Variants in IGBP1 observed in about 807,000 individuals in gnomAD.
The protein encoded by IGBP1 is immunoglobulin-binding protein 1.
In IGBP1, 2 loss-of-function variants were observed where a neutral mutation model predicts 25.9. That is an observed-to-expected ratio of 0.08 (90% CI 0.03 to 0.24). IGBP1 has a LOEUF of 0.24. Among genes scored for constraint, IGBP1 ranks in the 10% least tolerant of loss-of-function variants. The probability of loss-of-function intolerance (pLI) is 1.00; values close to 1 mark genes in which losing one functional copy is unlikely to be tolerated. For synonymous variants in IGBP1, 96 were observed against 93.4 expected, an observed-to-expected ratio of 1.03 and a Z score of -0.16; for missense variants, 187 against 260.4, an observed-to-expected ratio of 0.72 and a Z score of 1.94.
intron 4 of IGBP1, among the ~76,000 whole-genome samples, chrX:70,147,959 G>C (rs1050970876): frequency 8.9e-6 from 1 of 112,152 alleles, no homozygotes; most frequent in Non-Finnish European, 1.9e-5. Flanking sequence ...ATATTCTAAG[G>C]TTATAAGGCC....
rs953068407 is a variant in IGBP1, at chrX:70,166,039, T to G, written c.*58T>G. 2.3e-5 allele frequency: 26 copies of G among 1,118,436 alleles called. No homozygotes were observed. Among genetic ancestry groups the G allele is most frequent in the Admixed American group, 6.8e-5 (3 of 44,364 alleles). The allele number at this position is 1,118,436 out of a possible 1,213,427, so 92.2% of individuals were successfully genotyped here. On this transcript the variant is annotated 3_prime_UTR_variant, in exon 7 of 7. Coordinates refer to ENST00000356413, the MANE Select transcript of IGBP1 (RefSeq NM_001551.3). ...ACAACTCCCCTGCCAAGGAAAACCA[T>G]GCAGTCCTCCCCTCCCTGGTCTCCT... is the stretch of plus-strand genomic sequence containing the variant.
rs1426608160 is a variant in IGBP1, at chrX:70,140,213, C to A, written c.482+5397C>A. Among the ~76,000 whole-genome samples, 3 of 112,216 alleles carry A rather than the reference C, an allele frequency of 2.7e-5. 1 individual carries two copies. In the Admixed American group the frequency reaches 2.8e-4, roughly 11 times the overall value. On this transcript the variant is annotated intron_variant, in intron 3 of 6. Transcript: ENST00000356413. ...GTATATACTCTATGAGGGCACAAGC[C>A]ATTTCTTGTTCACTATGTTATGCCT...
intron 6 of IGBP1, among the ~76,000 whole-genome samples, chrX:70,157,766 A>T (rs1197323862): frequency 8.9e-6 from 1 of 112,083 alleles, no homozygotes; most frequent in Non-Finnish European, 1.9e-5. Flanking sequence ...GTTGGGGATC[A>T]TGAATGGAAC....
chrX:70,138,816 G>C (rs913762955), intron 3 of IGBP1, among the ~76,000 whole-genome samples: 1 of 111,672 alleles, frequency 9.0e-6, no homozygotes, highest in Non-Finnish European at 1.9e-5. Context: ...CAAATATTTA[G>C]ACACTGGTTT....
intron 6 of IGBP1, among the ~76,000 whole-genome samples, chrX:70,161,956 T>C (rs1027065656): frequency 9.0e-6 from 1 of 111,604 alleles, no homozygotes; most frequent in Admixed American, 9.5e-5. Context: ...AAGTCCATTG[T>C]GATAGAAATA....
intron 6 of IGBP1, among the ~76,000 whole-genome samples, chrX:70,164,748 A>G (rs1005224388): frequency 2.7e-5 from 3 of 112,083 alleles, no homozygotes; most frequent in Non-Finnish European, 5.6e-5. Flanking sequence ...AATTTGTTTT[A>G]TATGTACTTG....
At position 70,148,793 on chromosome X, in the gene IGBP1, G is replaced by A. The variant is rs1160793246; in HGVS notation, c.711G>A (p.Arg237=). The change falls in exon 5 of 7, where the codon AGG becomes AGA. Residue 237 remains arginine, a synonymous_variant. Transcript: ENST00000356413. ...CTTCTAACTCATCTCGCCAGGAGAG[G>A]CCTCCAGTGAAACCCTTCATTCTCA... is the stretch of plus-strand genomic sequence containing the variant. ...ASTSNSSRQE[R]PPVKPFILTR... The A allele has an allele frequency of 5.0e-6, 6 of 1,205,256 alleles. No individual in the cohort carries two copies. The highest frequency in any genetic ancestry group is 6.7e-6 in the Non-Finnish European group (6 of 889,521).
At chrX:70,143,694 C>T (rs1407861879) in intron 3 of IGBP1, among the ~76,000 whole-genome samples, 1 of 81,962 alleles carries the variant, frequency 1.2e-5, no homozygotes, top group Non-Finnish European at 2.2e-5. Context: ...CCATATGTTC[C>T]TTGGAGCCCT....
At chrX:70,147,224 C>T (rs1015028499) in intron 4 of IGBP1, among the ~76,000 whole-genome samples, 2 of 110,966 alleles carry the variant, frequency 1.8e-5, no homozygotes, top group East Asian at 2.8e-4. Context: ...ACTTGAGGCC[C>T]GGAGTTTGAG....
At chrX:70,151,214 G>A (rs2085200880) in intron 6 of IGBP1, among the ~76,000 whole-genome samples, 1 of 111,811 alleles carries the variant, frequency 8.9e-6, no homozygotes, top group Non-Finnish European at 1.9e-5. Flanking sequence ...GCCCACCTCG[G>A]CCTCCCAAAG....
At chrX:70,165,296 C>T (rs774649661) in intron 6 of IGBP1, 1 of 123,599 alleles carries the variant, frequency 8.1e-6, no homozygotes, top group Admixed American at 8.3e-5. Context: ...CAAAATAATA[C>T]GTAGGCATTC....
At chrX:70,135,779 C>G (rs907970202) in intron 3 of IGBP1, among the ~76,000 whole-genome samples, 3 of 111,384 alleles carry the variant, frequency 2.7e-5, no homozygotes, top group Non-Finnish European at 1.9e-5. Context: ...AGGAATGATA[C>G]TGAAGAATGT....
At chrX:70,147,430 A>C (rs779291601) in intron 4 of IGBP1, among the ~76,000 whole-genome samples, 4 of 110,910 alleles carry the variant, frequency 3.6e-5, no homozygotes, top group Admixed American at 1.9e-4. Context: ...CTCAAAAAAA[A>C]AAATTGTGCT....
intron 6 of IGBP1, among the ~76,000 whole-genome samples, chrX:70,159,303 C>G (rs895381257): frequency 6.3e-5 from 7 of 111,938 alleles, no homozygotes; most frequent in African/African-American, 2.3e-4. Flanking sequence ...TAAAGAAGAC[C>G]TGGCATATAG....
chrX:70,144,650 CTTTTTTTTTTTTTTTT>C (rs138993842), intron 3 of IGBP1, among the ~76,000 whole-genome samples: 2 of 27,740 alleles, frequency 7.2e-5, no homozygotes, highest in Admixed American at 1.4e-3. Flanking sequence ...TGGTTCTTGA[CTTTTTTTTTTTTTTTT>C]TTTTTTTTTT....
At chrX:70,145,983 G>A (rs1481972532) in intron 3 of IGBP1, among the ~76,000 whole-genome samples, 1 of 111,838 alleles carries the variant, frequency 8.9e-6, no homozygotes, top group African/African-American at 3.3e-5. Context: ...ATGAGACCAA[G>A]GACTTTTATA....
chrX:70,149,621 T>A (rs1602669514), intron 5 of IGBP1: 1 of 91,190 alleles, frequency 1.1e-5, no homozygotes, highest in African/African-American at 5.0e-5. Flanking sequence ...CCCACTACCC[T>A]CCAGCCTGGT....
Position 70,166,075 on chromosome X carries a change from T to C in IGBP1, c.*94T>C. 2.2e-6 allele frequency: 2 copies of C among 910,175 alleles called. No individual in the cohort carries two copies. Among genetic ancestry groups the C allele is most frequent in the East Asian group, 6.3e-5 (2 of 31,634 alleles). 75.0% of individuals were successfully genotyped at this position (910,175 alleles called of 1,213,427 possible). On this transcript the variant is annotated 3_prime_UTR_variant, in exon 7 of 7. Coordinates refer to ENST00000356413, the MANE Select transcript of IGBP1 (RefSeq NM_001551.3). ...CCTCCCTGGTCTCCTGCTTCAGCTCTGTACAACGAGGGCAAAGATGCTAAA... is the reference window on the plus strand; with the variant it reads ...CCTCCCTGGTCTCCTGCTTCAGCTCCGTACAACGAGGGCAAAGATGCTAAA...
At chrX:70,153,486 T>A (rs771760239) in intron 6 of IGBP1, among the ~76,000 whole-genome samples, 9 of 112,051 alleles carry the variant, frequency 8.0e-5, no homozygotes, top group African/African-American at 2.9e-4. Flanking sequence ...ACTTGTGAGG[T>A]TTATAATGTA....
Sources: gnomAD v4.1 joint callset for allele counts (sites outside exome capture counted in the v4.1 genomes callset) on GRCh38, gnomAD v4.1.1 for gene constraint, MANE v1.5 for transcripts, NCBI Gene and HGNC (gene_info 2026-07-23, HGNC 2026-07-21) for gene names.